The following NELL2 variants were observed in gnomAD, a reference collection of about 807,000 sequenced individuals.
The protein encoded by NELL2 is neural EGFL like 2, also known as protein kinase C-binding protein NELL2.
Under a neutral mutation model 109.6 loss-of-function variants are expected in NELL2, and 41 were observed. The observed-to-expected ratio is 0.37, with a 90% confidence interval of 0.29 to 0.49. The LOEUF (loss-of-function observed/expected upper bound fraction) is 0.49, where lower values mean the gene tolerates loss of function less well. Among genes scored for constraint, NELL2 ranks in the 20% least tolerant of loss-of-function variants. The probability of loss-of-function intolerance (pLI) is 0.98; values close to 1 mark genes in which losing one functional copy is unlikely to be tolerated. For missense variants in NELL2, 900 were observed against 1,008.3 expected (o/e 0.89, Z 1.45); for synonymous variants, 355 against 344.7 (o/e 1.03, Z -0.33).
intron 12 of NELL2, among the ~76,000 whole-genome samples, chr12:44,693,356 A>G (rs1388258128): frequency 6.6e-6 from 1 of 152,210 alleles, no homozygotes; most frequent in Non-Finnish European, 1.5e-5. Flanking sequence ...TATAACTTTT[A>G]TATGCACTGG....
chr12:44,644,868 T>C (rs1947034450), intron 13 of NELL2, among the ~76,000 whole-genome samples: 1 of 151,508 alleles, frequency 6.6e-6, no homozygotes, highest in Non-Finnish European at 1.5e-5. Context: ...TTTGTGGGTG[T>C]ACAGAAGCAG....
intron 2 of NELL2, among the ~76,000 whole-genome samples, chr12:44,868,385 G>C (rs537381674): frequency 5.9e-5 from 9 of 152,106 alleles, no homozygotes; most frequent in African/African-American, 1.9e-4. Flanking sequence ...GATTTACTGC[G>C]ACCCTTATTA....
At chr12:44,870,030 T>G (rs949031874) in intron 2 of NELL2, among the ~76,000 whole-genome samples, 4 of 152,186 alleles carry the variant, frequency 2.6e-5, no homozygotes, top group Non-Finnish European at 5.9e-5. Flanking sequence ...AGTTTTGCTT[T>G]CCACATAACC....
intron 15 of NELL2, among the ~76,000 whole-genome samples, chr12:44,572,684 A>T (rs1432916640): frequency 1.3e-5 from 2 of 152,222 alleles, no homozygotes; most frequent in Non-Finnish European, 2.9e-5. Context: ...TGGGAGATTT[A>T]GTTTAGACGG....
Position 44,617,691 on chromosome 12 carries a change from C to CAAAAAAAAAAAA in NELL2, c.1445-6733_1445-6722dup, listed in dbSNP as rs975070930. On this transcript the variant is annotated intron_variant, in intron 13 of 19. Transcript: ENST00000429094. The stretch of plus-strand genomic sequence containing the variant: ...TGGGCGACAGAGCGAGACTCCGTCT[C>CAAAAAAAAAAAA]AAAAAAAAAAAAAAAAAAAAAAGAA... Among the ~76,000 whole-genome samples, 24 of 22,386 alleles carry CAAAAAAAAAAAA rather than the reference C, an allele frequency of 1.1e-3. 3 individuals are homozygous for CAAAAAAAAAAAA. The highest frequency in any genetic ancestry group is 1.8e-3 in the South Asian group (1 of 570). 14.7% of individuals were successfully genotyped at this position (22,386 alleles called of 152,430 possible). A position where few individuals can be genotyped will look rare whatever the true frequency, so the allele number is the denominator to read the frequency against.
In NELL2 at chr12:44,593,567, A is replaced by C. The variant is rs147231978; in HGVS notation, c.1663+13602T>G. ...GTGGGTGAAATAAACATACGTGTAC[A>C]TGTGTCTTTATAGTAGAATGATTTA... is the stretch of plus-strand genomic sequence containing the variant. On this transcript the variant is annotated intron_variant, in intron 15 of 19. Coordinates refer to ENST00000429094, the MANE Select transcript of NELL2 (RefSeq NM_001145108.2). Among the ~76,000 whole-genome samples, 1,240 of 152,262 alleles carry C rather than the reference A, an allele frequency of 8.1e-3. 29 individuals are homozygous for C. Among genetic ancestry groups the C allele is most frequent in the East Asian group, 0.06 (311 of 5,168 alleles).
At chr12:44,582,031 C>T (rs1944342996) in intron 15 of NELL2, among the ~76,000 whole-genome samples, 1 of 152,116 alleles carries the variant, frequency 6.6e-6, no homozygotes, top group Admixed American at 6.6e-5. Flanking sequence ...ACTTTTTCCA[C>T]ATTTTTCAAG....
chr12:44,628,902 A>G (rs904137638), intron 13 of NELL2, among the ~76,000 whole-genome samples: 1 of 152,200 alleles, frequency 6.6e-6, no homozygotes, highest in African/African-American at 2.4e-5. Flanking sequence ...TATATGTCAT[A>G]ATTCTAAATT....
At chr12:44,736,241 C>T (rs1939643720) in intron 9 of NELL2, among the ~76,000 whole-genome samples, 1 of 151,766 alleles carries the variant, frequency 6.6e-6, no homozygotes, top group Non-Finnish European at 1.5e-5. Flanking sequence ...AATCTCCTGA[C>T]CTCGTGATCC....
chr12:44,743,811 T>C (rs958618782), intron 9 of NELL2, among the ~76,000 whole-genome samples: 3 of 152,126 alleles, frequency 2.0e-5, no homozygotes, highest in Admixed American at 6.5e-5. Flanking sequence ...AAATCCTTAA[T>C]GACCTACAAA....
intron 15 of NELL2, among the ~76,000 whole-genome samples, chr12:44,569,598 T>G (rs1199572237): frequency 6.6e-6 from 1 of 152,202 alleles, no homozygotes; most frequent in Non-Finnish European, 1.5e-5. Context: ...TTTAGACCTC[T>G]TTAAAGATTT....
chr12:44,595,378 A>T (rs745765857), intron 15 of NELL2, among the ~76,000 whole-genome samples: 4 of 152,186 alleles, frequency 2.6e-5, no homozygotes, highest in Non-Finnish European at 5.9e-5. Flanking sequence ...GGAGAAGAAG[A>T]AGTTATATAT....
intron 19 of NELL2, among the ~76,000 whole-genome samples, chr12:44,519,349 C>T (rs1263578954): frequency 6.6e-6 from 1 of 152,188 alleles, no homozygotes; most frequent in Non-Finnish European, 1.5e-5. Context: ...CACTAATCTA[C>T]AAACTCTATA....
chr12:44,720,463 T>G (rs1938709236), intron 9 of NELL2, among the ~76,000 whole-genome samples: 1 of 152,196 alleles, frequency 6.6e-6, no homozygotes, highest in African/African-American at 2.4e-5. Flanking sequence ...CTGCCCTTTC[T>G]GTAAAATGAC....
chr12:44,630,367 G>A (rs1432574734), intron 13 of NELL2, among the ~76,000 whole-genome samples: 1 of 152,144 alleles, frequency 6.6e-6, no homozygotes, highest in Non-Finnish European at 1.5e-5. Flanking sequence ...TTTAAGTAGA[G>A]GAACTAGAAT....
At chr12:44,559,801 C>T (rs997984601) in intron 15 of NELL2, among the ~76,000 whole-genome samples, 2 of 152,144 alleles carry the variant, frequency 1.3e-5, no homozygotes, top group Admixed American at 6.5e-5. Flanking sequence ...ATATTCAGGA[C>T]TTGAACTCAG....
intron 2 of NELL2, among the ~76,000 whole-genome samples, chr12:44,867,603 C>T (rs1462106763): frequency 6.6e-6 from 1 of 152,148 alleles, no homozygotes; most frequent in African/African-American, 2.4e-5. Flanking sequence ...TTCTATTCAA[C>T]ATAGTACTGT....
chr12:44,901,136 CATAG>C (rs1386139411), intron 1 of NELL2, among the ~76,000 whole-genome samples: 4 of 151,878 alleles, frequency 2.6e-5, no homozygotes, highest in East Asian at 1.9e-4. Context: ...AGATTAACAA[CATAG>C]ATAGACCACT....
At chr12:44,890,297 T>C (rs957673981) in intron 1 of NELL2, among the ~76,000 whole-genome samples, 1 of 152,166 alleles carries the variant, frequency 6.6e-6, no homozygotes, top group South Asian at 2.1e-4. Flanking sequence ...AGGCTGACTC[T>C]TAGTATTCAC....
Sources: allele counts gnomAD v4.1 joint callset (sites outside exome capture counted in the v4.1 genomes callset), GRCh38; gene constraint gnomAD v4.1.1; transcripts MANE v1.5; gene names NCBI Gene and HGNC (gene_info 2026-07-23, HGNC 2026-07-21).